Variants in CIT observed in about 807,000 individuals in gnomAD.
CIT encodes citron rho-interacting serine/threonine kinase, also known as citron Rho-interacting kinase.
A neutral mutation model predicts 272.7 loss-of-function variants in CIT; 79 were observed. The ratio of observed to expected loss-of-function variants is 0.29; its 90% confidence interval spans 0.24 to 0.35. CIT has a LOEUF of 0.35. Among genes scored for constraint, CIT ranks in the 10% least tolerant of loss-of-function variants. CIT has a pLI of 1.00. For synonymous variants in CIT, 948 were observed against 995.6 expected (o/e 0.95, Z 0.90); for missense variants, 1,909 against 2,618.3 (o/e 0.73, Z 5.91).
intron 10 of CIT, among the ~76,000 whole-genome samples, chr12:119,791,386 G>A (rs183125171): frequency 4.2e-4 from 64 of 152,274 alleles, no homozygotes; most frequent in African/African-American, 1.4e-3. Context: ...CACATGCCAG[G>A]TTGGTTCACA....
At position 119,717,838 on chromosome 12, in the gene CIT, C is replaced by CTTTTT. The variant is rs10699099; in HGVS notation, c.4168+402_4168+406dup. Among the ~76,000 whole-genome samples, 411 of 81,278 alleles carry CTTTTT rather than the reference C, an allele frequency of 5.1e-3. 49 individuals are homozygous for CTTTTT. Among genetic ancestry groups the CTTTTT allele is most frequent in the African/African-American group, 0.017 (337 of 20,176 alleles). 53.3% of individuals were successfully genotyped at this position (81,278 alleles called of 152,430 possible). ...GGGGAGCCAGGAGACTGACTTCTTT[C>CTTTTT]TTTTTTTTTTTTTTTTTTTTGAGAT... On this transcript the variant is annotated intron_variant, in intron 32 of 47. Transcript: ENST00000392521.
intron 9 of CIT, among the ~76,000 whole-genome samples, chr12:119,811,763 T>C (rs1966849465): frequency 6.6e-6 from 1 of 152,212 alleles, no homozygotes; most frequent in African/African-American, 2.4e-5. Context: ...ACATTTTAGC[T>C]TTACTTTGTT....
intron 3 of CIT, among the ~76,000 whole-genome samples, chr12:119,861,885 G>A (rs1377035093): frequency 6.6e-6 from 1 of 152,132 alleles, no homozygotes; most frequent in Non-Finnish European, 1.5e-5. Flanking sequence ...CTACAAGTCC[G>A]CCCATATAAA....
chr12:119,739,445 A>G (rs531574474), intron 24 of CIT, among the ~76,000 whole-genome samples: 1 of 152,288 alleles, frequency 6.6e-6, no homozygotes, highest in East Asian at 1.9e-4. Context: ...GACAAAGATG[A>G]CATTTCCTAG....
rs547408918 is a variant in CIT, at chr12:119,700,055, G to A, written c.5623+690C>T. Among the ~76,000 whole-genome samples the A allele has an allele frequency of 2.6e-5, 4 of 152,328 alleles. No individual in the cohort carries two copies. The South Asian group carries it at 8.3e-4, about 32-fold the overall frequency. ...TGTTGTTTACACTTACAAACAAAACGGGCATGGCCTTACTGCTTTGCCTAA... is the reference window on the plus strand; with the variant it reads ...TGTTGTTTACACTTACAAACAAAACAGGCATGGCCTTACTGCTTTGCCTAA... On this transcript the variant is annotated intron_variant, in intron 44 of 47. Transcript: ENST00000392521.
intron 3 of CIT, among the ~76,000 whole-genome samples, chr12:119,866,439 C>G (rs1166379309): frequency 6.6e-6 from 1 of 152,176 alleles, no homozygotes; most frequent in Non-Finnish European, 1.5e-5. Context: ...CCATGTAGCT[C>G]AGAGGTCAGC....
chr12:119,741,304 G>A (rs1475431401), intron 24 of CIT, among the ~76,000 whole-genome samples: 1 of 152,178 alleles, frequency 6.6e-6, no homozygotes, highest in African/African-American at 2.4e-5. Flanking sequence ...ACTAAACTAT[G>A]GTTATCAGAG....
rs147146275 is a variant in CIT, at chr12:119,752,254, C to CAG, written c.2707-9_2707-8dup. On this transcript the variant is annotated splice_region_variant and splice_polypyrimidine_tract_variant and intron_variant, in intron 22 of 47. Coordinates refer to ENST00000392521, the MANE Select transcript of CIT (RefSeq NM_001206999.2). Reference sequence around the variant, plus strand: ...CCTCGTGCTCTAGACTGACCTGAGACAGAGAGAGAGAGAGAAAGAGAGATA... The same window carrying CAG: ...CCTCGTGCTCTAGACTGACCTGAGACAGAGAGAGAGAGAGAGAAAGAGAGATA... The CAG allele has an allele frequency of 4.4e-5, 70 of 1,574,718 alleles. No individual in the cohort carries two copies. Among genetic ancestry groups the CAG allele is most frequent in the Admixed American group, 5.2e-5 (3 of 58,114 alleles).
At chr12:119,839,934 G>C (rs1191344439) in intron 5 of CIT, among the ~76,000 whole-genome samples, 1 of 152,098 alleles carries the variant, frequency 6.6e-6, no homozygotes, top group African/African-American at 2.4e-5. Flanking sequence ...GCTATAACCA[G>C]AAACTAACTA....
intron 26 of CIT, among the ~76,000 whole-genome samples, chr12:119,733,808 G>A (rs1958608168): frequency 6.6e-6 from 1 of 152,084 alleles, no homozygotes; most frequent in African/African-American, 2.4e-5. Flanking sequence ...GGGAAGACCA[G>A]GATTAAAATG....
At chr12:119,776,318 C>T in intron 15 of CIT, 40 bp downstream of exon 15, 3 of 1,547,132 alleles carry the variant, frequency 1.9e-6, no homozygotes, top group South Asian at 2.2e-5. Context: ...AAGTTATCTA[C>T]CCAAAATATT....
At chr12:119,715,687 G>A (rs997091247) in intron 32 of CIT, among the ~76,000 whole-genome samples, 42 of 152,210 alleles carry the variant, frequency 2.8e-4, no homozygotes, top group African/African-American at 8.9e-4. Context: ...CGAACTGTAC[G>A]GTATGCAAAT....
intron 24 of CIT, among the ~76,000 whole-genome samples, chr12:119,738,581 G>A (rs1958900154): frequency 7.1e-6 from 1 of 141,804 alleles, no homozygotes; most frequent in Non-Finnish European, 1.6e-5. Context: ...TAAGACAGAA[G>A]ATATTAAAAA....
At chr12:119,703,979 T>C (rs962407882) in intron 41 of CIT, among the ~76,000 whole-genome samples, 5 of 152,330 alleles carry the variant, frequency 3.3e-5, no homozygotes, top group South Asian at 4.1e-4. Flanking sequence ...TAGACACCTC[T>C]AGAATTTGAG....
chr12:119,752,278 T>G lies in CIT; in HGVS notation c.2707-31A>C, dbSNP rs200740822. 12 of 1,565,720 alleles carry G rather than the reference T, an allele frequency of 7.7e-6. No individual in the cohort carries two copies. The Admixed American group carries it at 1.2e-4, about 16-fold the overall frequency. ...ACAGAGAGAGAGAGAGAAAGAGAGATAAACCCTTGCTTGGTCTGAACAAAA... is the reference window on the plus strand; with the variant it reads ...ACAGAGAGAGAGAGAGAAAGAGAGAGAAACCCTTGCTTGGTCTGAACAAAA... On this transcript the variant is annotated intron_variant, in intron 22 of 47. Coordinates refer to ENST00000392521, the MANE Select transcript of CIT (RefSeq NM_001206999.2).
chr12:119,738,680 TCAAGAC>T (rs950882544), intron 24 of CIT, among the ~76,000 whole-genome samples: 2 of 151,922 alleles, frequency 1.3e-5, no homozygotes, highest in African/African-American at 4.8e-5. Context: ...TGTTGAGAGT[TCAAGAC>T]CAGCCTGACC....
At chr12:119,875,077 T>C (rs1033014924) in intron 2 of CIT, among the ~76,000 whole-genome samples, 9 of 152,166 alleles carry the variant, frequency 5.9e-5, no homozygotes, top group African/African-American at 2.2e-4. Flanking sequence ...CTGTGACAAG[T>C]AGATCACTTG....
At chr12:119,833,008 C>A in intron 6 of CIT, 144 bp from the exon 7 acceptor site, 2 of 513,656 alleles carry the variant, frequency 3.9e-6, no homozygotes, top group South Asian at 3.4e-5. Flanking sequence ...AAATTATTAG[C>A]ATACATTTTG....
chr12:119,751,829 C>G (rs748560221), intron 23 of CIT, among the ~76,000 whole-genome samples: 3 of 152,124 alleles, frequency 2.0e-5, no homozygotes, highest in African/African-American at 4.8e-5. Context: ...AGGAACTATT[C>G]AAGATACTAA....
Sources: gnomAD v4.1 joint callset for allele counts (sites outside exome capture counted in the v4.1 genomes callset) on GRCh38, gnomAD v4.1.1 for gene constraint, MANE v1.5 for transcripts, NCBI Gene and HGNC (gene_info 2026-07-23, HGNC 2026-07-21) for gene names.